The following TFEC variants were observed in gnomAD, a reference collection of about 807,000 sequenced individuals.
The protein encoded by TFEC is class E basic helix-loop-helix protein 34.
TFEC carries 31 observed loss-of-function variants against 41.6 expected under a neutral mutation model. The ratio of observed to expected loss-of-function variants is 0.74; its 90% CI spans 0.56 to 1.01. The LOEUF is 1.01. Among genes scored for constraint, TFEC ranks in the 50% least tolerant of loss-of-function variants. TFEC has a pLI of 0.00. For missense variants in TFEC, 402 were observed against 404.1 expected (o/e 0.99, Z 0.04); for synonymous variants, 143 against 140.6 (o/e 1.02, Z -0.12).
At position 116,103,423 on chromosome 7, in the gene TFEC, C is replaced by G. The variant is rs75092702; in HGVS notation, c.198+7285G>C. Among the ~76,000 whole-genome samples, 1,379 of 152,192 alleles carry G rather than the reference C, an allele frequency of 9.1e-3. 21 individuals are homozygous for G. The highest frequency in any genetic ancestry group is 0.031 in the African/African-American group (1,293 of 41,532). The stretch of plus-strand genomic sequence containing the variant: ...AAGTTGTGAAAGACAATGACTTGAA[C>G]CTAAACTCTAGAAACCTGAAAGGAC... On this transcript the variant is annotated intron_variant, in intron 3 of 8. Coordinates refer to the TFEC transcript ENST00000484212.
intron 6 of TFEC, among the ~76,000 whole-genome samples, chr7:115,946,548 T>C (rs1328487269): frequency 6.6e-6 from 1 of 151,192 alleles, no homozygotes; most frequent in East Asian, 2.0e-4. Context: ...CCTGAGTAGC[T>C]TGGAGTACAG....
At chr7:115,957,080 T>C (rs886929934) in intron 3 of TFEC, among the ~76,000 whole-genome samples, 1 of 152,014 alleles carries the variant, frequency 6.6e-6, no homozygotes, top group Non-Finnish European at 1.5e-5. Flanking sequence ...TACAAAGTTA[T>C]GGAAGTTTGA....
chr7:116,087,081 C>T (rs906521383), intron 3 of TFEC, among the ~76,000 whole-genome samples: 2 of 151,794 alleles, frequency 1.3e-5, no homozygotes, highest in Non-Finnish European at 1.5e-5. Flanking sequence ...CAAAACTGTT[C>T]GGTGCATGAA....
intron 1 of TFEC, among the ~76,000 whole-genome samples, chr7:116,003,104 G>A (rs978156918): frequency 6.6e-6 from 1 of 152,014 alleles, no homozygotes; most frequent in Admixed American, 6.6e-5. Context: ...GACATCAATG[G>A]TTTAAATGCA....
At chr7:115,995,427 T>A (rs970759817) in intron 1 of TFEC, among the ~76,000 whole-genome samples, 2 of 152,116 alleles carry the variant, frequency 1.3e-5, no homozygotes, top group Non-Finnish European at 2.9e-5. Flanking sequence ...TTACGTATGC[T>A]TATATAATAA....
intron 1 of TFEC, among the ~76,000 whole-genome samples, chr7:116,136,702 A>G (rs184525710): frequency 8.5e-5 from 13 of 152,070 alleles, no homozygotes; most frequent in Admixed American, 1.3e-4. Context: ...GTCCTAAATA[A>G]AAATGCAAGT....
In TFEC at chr7:115,974,176, TTG is replaced by T; in HGVS notation, c.259_260del (p.Gln87LysfsTer12). The T allele has an allele frequency of 6.3e-7, 1 of 1,594,058 alleles. No individual in the cohort carries two copies. The highest frequency in any genetic ancestry group is 8.5e-7 in the Non-Finnish European group (1 of 1,171,872). On this transcript the variant is annotated frameshift_variant, in exon 3 of 8. Coordinates refer to ENST00000265440, the MANE Select transcript of TFEC (RefSeq NM_012252.4). LOFTEE classifies it high-confidence loss of function. ...TGGGTCTGAAAGCACTTACTGTTCT[TTG>T]CATTAGCAGAGGAGAGTCTGCTCCT... The part of the protein sequence containing the change: ...EEGADSPLLM[Q>X]RTLSGSILDV...
At chr7:116,086,738 A>G (rs113495596) in intron 3 of TFEC, among the ~76,000 whole-genome samples, 1 of 151,926 alleles carries the variant, frequency 6.6e-6, no homozygotes, top group South Asian at 2.1e-4. Context: ...AAAGAGAGAA[A>G]GCAGAATATT....
chr7:116,049,382 G>A (rs1026750886), intron 3 of TFEC, among the ~76,000 whole-genome samples: 4 of 152,166 alleles, frequency 2.6e-5, no homozygotes, highest in African/African-American at 9.7e-5. Flanking sequence ...AGAGACAAAG[G>A]AGGTCATTAC....
chr7:116,062,558 C>CATATATA (rs1491311388), intron 3 of TFEC, among the ~76,000 whole-genome samples: 2 of 61,680 alleles, frequency 3.2e-5, no homozygotes, highest in Non-Finnish European at 6.1e-5. Context: ...CTGAGTAGTA[C>CATATATA]TCATATATAT....
At chr7:116,044,663 G>C (rs1796120365) in intron 3 of TFEC, among the ~76,000 whole-genome samples, 1 of 152,200 alleles carries the variant, frequency 6.6e-6, no homozygotes, top group African/African-American at 2.4e-5. Flanking sequence ...TGAATCACTG[G>C]TTCCTAATCA....
At chr7:116,062,559 TCATATATATA>T (rs1269657445) in intron 3 of TFEC, among the ~76,000 whole-genome samples, 1 of 57,482 alleles carries the variant, frequency 1.7e-5, no homozygotes, top group Non-Finnish European at 3.3e-5. Flanking sequence ...TGAGTAGTAC[TCATATATATA>T]TATATATATA....
chr7:115,961,849 A>G (rs192128466), intron 3 of TFEC, among the ~76,000 whole-genome samples: 102 of 151,836 alleles, frequency 6.7e-4, no homozygotes, highest in African/African-American at 2.1e-3. Context: ...AGCTATCCAT[A>G]TTGGAAAGGA....
chr7:116,149,408 T>C (rs1371075274), intron 1 of TFEC, among the ~76,000 whole-genome samples: 2 of 152,166 alleles, frequency 1.3e-5, no homozygotes, highest in Admixed American at 6.5e-5. Context: ...TAGAACTGAA[T>C]CAAGTAAAAG....
At chr7:115,947,223 A>C (rs1477092203) in intron 6 of TFEC, among the ~76,000 whole-genome samples, 1 of 151,310 alleles carries the variant, frequency 6.6e-6, no homozygotes, top group Non-Finnish European at 1.5e-5. Context: ...TTCCAATTTC[A>C]TCCATGTCCT....
rs143783830 is a variant in TFEC, at chr7:116,123,797, T to C, written c.-68-11759A>G. 2.6e-4 allele frequency among the ~76,000 whole-genome samples: 40 copies of C among 152,296 alleles called. No homozygotes were observed. In the East Asian group the frequency reaches 6.2e-3, roughly 23 times the overall value. ...CTTCTTCTCTAAGTTCTTACATTCA[T>C]GGTTATTAACACCAAGTTTATGATT... is the stretch of plus-strand genomic sequence containing the variant. On this transcript the variant is annotated intron_variant, in intron 1 of 8. Transcript: ENST00000484212.
At chr7:115,948,363 C>T (rs1791725016) in intron 6 of TFEC, among the ~76,000 whole-genome samples, 1 of 151,960 alleles carries the variant, frequency 6.6e-6, no homozygotes, top group South Asian at 2.1e-4. Flanking sequence ...CCAGCATCAT[C>T]CTGATACCAA....
At chr7:116,137,155 C>T (rs1325584512) in intron 1 of TFEC, among the ~76,000 whole-genome samples, 2 of 152,018 alleles carry the variant, frequency 1.3e-5, no homozygotes, top group Non-Finnish European at 2.9e-5. Context: ...TTCAGAGTGA[C>T]CAGCAATTAT....
intron 1 of TFEC, among the ~76,000 whole-genome samples, chr7:116,130,743 G>A (rs1023299688): frequency 6.6e-5 from 10 of 152,112 alleles, no homozygotes; most frequent in African/African-American, 2.4e-4. Flanking sequence ...CTCCCATGTA[G>A]CTGGGACTAC....
Sources: allele counts gnomAD v4.1 joint callset (sites outside exome capture counted in the v4.1 genomes callset), GRCh38; gene constraint gnomAD v4.1.1; transcripts MANE v1.5; gene names NCBI Gene and HGNC (gene_info 2026-07-23, HGNC 2026-07-21).